Variants in DCHS2 observed in about 807,000 individuals in gnomAD.
DCHS2 encodes the protein dachsous cadherin-related 2.
A neutral mutation model predicts 182.4 loss-of-function variants in DCHS2; 142 were observed. That is an observed-to-expected ratio of 0.78 (90% CI 0.68 to 0.89). The LOEUF is 0.89. DCHS2 is among the 40% of genes least tolerant of loss of function. The pLI is 0.00. For missense variants in DCHS2, 4,319 were observed against 4,198.6 expected (o/e 1.03, Z -0.79); for synonymous variants, 1,740 against 1,663.3 (o/e 1.05, Z -1.12).
At chr4:154,313,649 G>T (rs1735751511) in intron 10 of DCHS2, among the ~76,000 whole-genome samples, 1 of 152,042 alleles carries the variant, frequency 6.6e-6, no homozygotes, top group African/African-American at 2.4e-5. Flanking sequence ...AAAAAAGATT[G>T]AGGGAAAATA....
intron 1 of DCHS2, among the ~76,000 whole-genome samples, chr4:154,454,012 T>C (rs377430803): frequency 6.6e-6 from 1 of 152,194 alleles, no homozygotes; most frequent in East Asian, 1.9e-4. Flanking sequence ...ACTAGTAAAT[T>C]ATTTAATACA....
intron 13 of DCHS2, among the ~76,000 whole-genome samples, chr4:154,281,151 A>T (rs1474419495): frequency 6.6e-6 from 1 of 152,070 alleles, no homozygotes; most frequent in East Asian, 1.9e-4. Context: ...TACCACTTCT[A>T]TTTAACACAG....
intron 10 of DCHS2, among the ~76,000 whole-genome samples, chr4:154,310,420 T>C (rs1323070226): frequency 6.6e-6 from 1 of 152,192 alleles, no homozygotes; most frequent in Non-Finnish European, 1.5e-5. Context: ...TCACTGAGGT[T>C]GAGACATTAG....
At position 154,355,695 on chromosome 4, in the gene DCHS2, C is replaced by G. The variant is rs547049298; in HGVS notation, c.2476+10515G>C. The G allele has an allele frequency of 3.9e-5, 6 of 152,238 alleles. No individual in the cohort carries two copies. In the South Asian group the frequency reaches 1.0e-3, roughly 26 times the overall value. 9.4% of individuals were successfully genotyped at this position (152,238 alleles called of 1,614,324 possible). On this transcript the variant is annotated intron_variant, in intron 3 of 19. Coordinates refer to ENST00000357232, the MANE Select transcript of DCHS2 (RefSeq NM_001358235.2). ...TACATAATGACATTTTGGTCAACAA[C>G]GGCCCATGCACTTACGATGGTGGTC... is the stretch of plus-strand genomic sequence containing the variant.
rs148251292 is a variant in DCHS2, at chr4:154,311,586, C to T, written c.5260+4162G>A. On this transcript the variant is annotated intron_variant, in intron 10 of 19. Transcript: ENST00000357232. ...ACTGTACAATGTCCTCACAATCAGG[C>T]ATTTCTAAAGCAAAAATAGAATTAT... 5.0e-3 allele frequency among the ~76,000 whole-genome samples: 759 copies of T among 152,136 alleles called. 7 individuals carry two copies. Among genetic ancestry groups the T allele is most frequent in the South Asian group, 0.018 (84 of 4,798 alleles).
chr4:154,256,243 C>T (rs1450387165), intron 15 of DCHS2, among the ~76,000 whole-genome samples: 1 of 152,120 alleles, frequency 6.6e-6, no homozygotes, highest in Non-Finnish European at 1.5e-5. Flanking sequence ...GCCTGCTGGG[C>T]TTAAGTGATC....
chr4:154,480,718 G>A (rs1579122254), intron 1 of DCHS2, among the ~76,000 whole-genome samples: 1 of 152,026 alleles, frequency 6.6e-6, no homozygotes, highest in Non-Finnish European at 1.5e-5. Context: ...TTTCATGAAG[G>A]GCTGTCAATA....
chr4:154,414,192 T>TAGAG (rs572717243), intron 1 of DCHS2, among the ~76,000 whole-genome samples: 116 of 138,828 alleles, frequency 8.4e-4, no homozygotes, highest in African/African-American at 3.4e-3. Context: ...TATATATATA[T>TAGAG]ATATAGAGAG....
chr4:154,356,685 A>T (rs948202764), intron 3 of DCHS2, among the ~76,000 whole-genome samples: 12 of 152,192 alleles, frequency 7.9e-5, no homozygotes, highest in African/African-American at 2.9e-4. Flanking sequence ...ATGCGGTAAC[A>T]TGCTGCATAG....
intron 13 of DCHS2, among the ~76,000 whole-genome samples, chr4:154,291,381 T>C (rs1734653608): frequency 6.6e-6 from 1 of 152,056 alleles, no homozygotes; most frequent in Admixed American, 6.6e-5. Flanking sequence ...TAAATAACAG[T>C]GTGAAGGTAC....
intron 1 of DCHS2, among the ~76,000 whole-genome samples, chr4:154,486,051 T>C (rs1728570132): frequency 6.6e-6 from 1 of 152,176 alleles, no homozygotes; most frequent in South Asian, 2.1e-4. Context: ...TGAAAGGAAC[T>C]CCTGAGGGGT....
chr4:154,347,735 C>T (rs1729425590), intron 3 of DCHS2, among the ~76,000 whole-genome samples: 1 of 151,820 alleles, frequency 6.6e-6, no homozygotes, highest in African/African-American at 2.4e-5. Flanking sequence ...GTAGGAGGAA[C>T]TTGAGTAGCA....
intron 13 of DCHS2, chr4:154,272,228 T>C (rs1012754666): frequency 2.0e-5 from 3 of 151,940 alleles, no homozygotes; most frequent in Admixed American, 6.6e-5. Context: ...CTATGAACAT[T>C]CATACACAAG....
rs1734167166 is a variant in DCHS2 at position 154,281,920 on chromosome 4, TAATAGGGTATGAATAGTATCTTC to T, written c.6464-11930_6464-11908del. Among the ~76,000 whole-genome samples, 5 of 152,096 alleles carry T rather than the reference TAATAGGGTATGAATAGTATCTTC, an allele frequency of 3.3e-5. No homozygotes were observed. The South Asian group carries it at 1.0e-3, about 31-fold the overall frequency. On this transcript the variant is annotated intron_variant, in intron 13 of 19. Transcript: ENST00000357232. ...CTTCAATAAGGGTGCCAAGGTTACA[TAATAGGGTATGAATAGTATCTTC>T]AACAAATGGTGCTTGGAAAACTGAA...
chr4:154,298,011 T>C lies in DCHS2; in HGVS notation c.6303A>G (p.Ser2101=), dbSNP rs1183334737. ...GEIQFQQNPS[S]EYFPIWLQLK... ...ACTGCAGCCAGATAGGGAAGTATTC[T>C]GAAGATGGATTTTGCTGAAATTGAA... The change falls in exon 13 of 20, where the codon TCA becomes TCG. Residue 2101 remains serine (S), a synonymous_variant. Coordinates refer to ENST00000357232, the MANE Select transcript of DCHS2 (RefSeq NM_001358235.2). 1 of 1,614,128 alleles carries C rather than the reference T, an allele frequency of 6.2e-7. No individual in the cohort carries two copies. Among genetic ancestry groups the C allele is most frequent in the Non-Finnish European group, 8.5e-7 (1 of 1,180,012 alleles).
chr4:154,242,869 C>A (rs969010589), intron 16 of DCHS2, 97 bp from the exon 17 acceptor site: 1 of 1,416,218 alleles, frequency 7.1e-7, no homozygotes, highest in Non-Finnish European at 9.2e-7. Context: ...TTAAAATGAG[C>A]TGACTAGCTA....
chr4:154,236,889 G>A lies in DCHS2; in HGVS notation c.7763C>T (p.Ser2588Phe). Residue 2588 changes from serine to phenylalanine, a missense_variant, in exon 20 of 20, where the codon TCC becomes TTC. Coordinates refer to ENST00000357232, the MANE Select transcript of DCHS2 (RefSeq NM_001358235.2). ...WTRENTYVEYSIISGNSQNNF... is the reference protein window; with the variant it reads ...WTRENTYVEYFIISGNSQNNF... ...GTTCTGTGAATTACCACTGATGATG[G>A]AATATTCAACATATGTGTTTTCACG... 1.9e-6 allele frequency: 3 copies of A among 1,614,058 alleles called. No individual in the cohort carries two copies. Among genetic ancestry groups the A allele is most frequent in the Non-Finnish European group, 2.5e-6 (3 of 1,179,948 alleles).
In DCHS2 at chr4:154,333,006, C is replaced by A. The variant is rs1049764771; in HGVS notation, c.3202G>T (p.Val1068Leu). The stretch of plus-strand genomic sequence containing the variant: ...CGTTTCTCGATAACGACTGTCAGCA[C>A]CAGCAGGGCTGCCTGAGGATGCACG... ...QGVHPQAALL[V>L]LTVVIEKREH... is the part of the protein sequence containing the mutation. The change falls in exon 5 of 20, where the codon GTG becomes TTG. Residue 1068 changes from valine (V) to leucine (L), a missense_variant. Physicochemically the swap from Val to Leu is conservative, Grantham distance 32. Coordinates refer to ENST00000357232, the MANE Select transcript of DCHS2 (RefSeq NM_001358235.2). 1 of 1,614,176 alleles carries A rather than the reference C, an allele frequency of 6.2e-7. No homozygotes were observed. The highest frequency in any genetic ancestry group is 8.5e-7 in the Non-Finnish European group (1 of 1,180,018).
chr4:154,272,810 G>T (rs1733661276), intron 13 of DCHS2, among the ~76,000 whole-genome samples: 1 of 152,100 alleles, frequency 6.6e-6, no homozygotes, highest in African/African-American at 2.4e-5. Context: ...CATCCTAGTG[G>T]ATATGTAGTA....
Sources: allele counts gnomAD v4.1 joint callset (sites outside exome capture counted in the v4.1 genomes callset), GRCh38; gene constraint gnomAD v4.1.1; transcripts MANE v1.5; gene names NCBI Gene and HGNC (gene_info 2026-07-23, HGNC 2026-07-21).